Variants in MEP1A observed in about 807,000 individuals in gnomAD.
MEP1A encodes the protein meprin A subunit alpha, also known as N-benzoyl-L-tyrosyl-P-amino-benzoic acid hydrolase subunit alpha.
MEP1A carries 68 observed loss-of-function variants against 84.5 expected under a neutral mutation model. That is an observed-to-expected ratio of 0.80 (90% CI 0.66 to 0.98). MEP1A has a LOEUF of 0.98. Ranked by LOEUF, MEP1A falls within the 50% of genes least tolerant of loss-of-function variation. MEP1A has a pLI of 0.00. For synonymous variants in MEP1A, 337 were observed against 336.8 expected (o/e 1.00, Z -0.01); for missense variants, 887 against 919.9 (o/e 0.96, Z 0.46).
rs529140631 is a variant in MEP1A at position 46,825,858 on chromosome 6, A to G, written c.778+365A>G. On this transcript the variant is annotated intron_variant, in intron 8 of 13. Transcript: ENST00000230588. ...TTCTTTTGCTTCTTTTGGAGGGTGC[A>G]TTATTACGTAAAGGTCAAAATAGGT... is the stretch of plus-strand genomic sequence containing the variant. 3.1e-4 allele frequency among the ~76,000 whole-genome samples: 47 copies of G among 152,288 alleles called. 1 individual carries two copies. The South Asian group carries it at 4.4e-3, about 14-fold the overall frequency.
chr6:46,801,560 C>A (rs1479245189), intron 5 of MEP1A, among the ~76,000 whole-genome samples: 4 of 151,942 alleles, frequency 2.6e-5, no homozygotes, highest in Non-Finnish European at 4.4e-5. Context: ...TAGTCTGTTA[C>A]TTACCTATTT....
chr6:46,798,465 T>C, intron 3 of MEP1A, 141 bp from the exon 4 acceptor site: 1 of 690,432 alleles, frequency 1.4e-6, no homozygotes, highest in Non-Finnish European at 2.5e-6. Flanking sequence ...AACTGGAATT[T>C]TTGCATTGTT....
chr6:46,812,407 T>G lies in MEP1A; in HGVS notation c.380+2870T>G, dbSNP rs574927129. 5.9e-5 allele frequency among the ~76,000 whole-genome samples: 9 copies of G among 152,136 alleles called. No homozygotes were observed. The South Asian group carries it at 1.9e-3, about 32-fold the overall frequency. On this transcript the variant is annotated intron_variant, in intron 6 of 13. Coordinates refer to ENST00000230588, the MANE Select transcript of MEP1A (RefSeq NM_005588.3). ...CTAATAATCTATCAATTTTATTTAT[T>G]TTTTCAAAGAACCAGATTTTTGTTT...
chr6:46,843,913 ATTC>A (rs1030873957), downstream of MEP1A, among the ~76,000 whole-genome samples: 7 of 152,220 alleles, frequency 4.6e-5, no homozygotes, highest in African/African-American at 1.7e-4. Flanking sequence ...AGAATCTATT[ATTC>A]TTGTTTGACT....
chr6:46,798,492 C>A, intron 3 of MEP1A, 114 bp from the exon 4 acceptor site: 1 of 905,452 alleles, frequency 1.1e-6, no homozygotes, highest in Middle Eastern at 3.3e-4. Flanking sequence ...AGTTTTGCCA[C>A]ATAAAGATTA....
Position 46,825,482 on chromosome 6 carries a change from T to A in MEP1A, c.767T>A (p.Met256Lys), listed in dbSNP as rs1278676166. ...SAIDLERLNR[M>K]YNCTTTHTLL... Reference sequence around the variant, plus strand: ...ATTGATTTAGAGAGGCTGAACCGAATGTACAATTGCAGTGAGTATCTCAGT... The same window carrying A: ...ATTGATTTAGAGAGGCTGAACCGAAAGTACAATTGCAGTGAGTATCTCAGT... The change falls in exon 8 of 14, where the codon ATG (methionine) becomes AAG (lysine). Residue 256 changes from methionine (M) to lysine (K), a missense_variant. Transcript: ENST00000230588. The A allele has an allele frequency of 7.5e-6, 12 of 1,610,096 alleles. No individual in the cohort carries two copies. Among genetic ancestry groups the A allele is most frequent in the Non-Finnish European group, 9.3e-6 (11 of 1,177,196 alleles).
At chr6:46,807,803 G>C (rs1030438097) in intron 5 of MEP1A, among the ~76,000 whole-genome samples, 5 of 147,600 alleles carry the variant, frequency 3.4e-5, no homozygotes, top group East Asian at 2.0e-4. Flanking sequence ...AAGAAAGAAA[G>C]AAAGAAAGAA....
rs769416622 is a variant in MEP1A, at chr6:46,829,414, A to G, written c.987A>G (p.Leu329=). The change falls in exon 10 of 14, where the codon CTA becomes CTG. Residue 329 remains leucine, a synonymous_variant. Transcript: ENST00000230588. Reference sequence around the variant, plus strand: ...CGGGGTCCGCGGAAGAGGCAGCCCTACTGGAGTCTCGGATTCTTTACCCAA... The same window carrying G: ...CGGGGTCCGCGGAAGAGGCAGCCCTGCTGGAGTCTCGGATTCTTTACCCAA... The part of the protein sequence containing the change: ...TSSGSAEEAA[L]LESRILYPKR... The G allele has an allele frequency of 1.2e-6, 2 of 1,614,112 alleles. No individual in the cohort carries two copies. Among genetic ancestry groups the G allele is most frequent in the Non-Finnish European group, 1.7e-6 (2 of 1,180,032 alleles).
Position 46,833,428 on chromosome 6 carries a change from C to T in MEP1A, c.1499C>T (p.Pro500Leu), listed in dbSNP as rs757195827. The change falls in exon 11 of 14, where the codon CCG (proline) becomes CTG (leucine). Residue 500 changes from proline to leucine, a missense_variant. By Grantham distance (98) the Pro-to-Leu change is moderately conservative (BLOSUM62 -3). Coordinates refer to ENST00000230588, the MANE Select transcript of MEP1A (RefSeq NM_005588.3). ...SGENDAILEW[P>L]VENRQVIITI... is the part of the protein sequence containing the mutation. ...GAGAACGATGCTATCCTGGAGTGGC[C>T]GGTAGAAAACAGACAGGTGATAATT... 37 of 1,613,928 alleles carry T rather than the reference C, an allele frequency of 2.3e-5. No homozygotes were observed. Among genetic ancestry groups the T allele is most frequent in the Non-Finnish European group, 2.5e-5 (30 of 1,180,002 alleles).
chr6:46,809,408 T>A lies in MEP1A; in HGVS notation c.263-12T>A. 6.5e-7 allele frequency: 1 copy of A among 1,535,118 alleles called. No homozygotes were observed. ...AAATAATGCTCATTGATATTTTTAC[T>A]GATTTCTGCAGGGCTGAATGCTAAA... On this transcript the variant is annotated splice_polypyrimidine_tract_variant and intron_variant, in intron 5 of 13. Coordinates refer to ENST00000230588, the MANE Select transcript of MEP1A (RefSeq NM_005588.3).
chr6:46,832,940 T>C (rs760673644), intron 10 of MEP1A, 134 bp from the exon 11 acceptor site: 1 of 552,736 alleles, frequency 1.8e-6, no homozygotes, highest in Non-Finnish European at 3.3e-6. Context: ...TTTATAACAG[T>C]ACCTATTTTA....
At chr6:46,814,736 G>A (rs1171907864) in intron 6 of MEP1A, among the ~76,000 whole-genome samples, 2 of 152,144 alleles carry the variant, frequency 1.3e-5, no homozygotes, top group African/African-American at 4.8e-5. Flanking sequence ...GTCCCACAGG[G>A]TGCTCCCTTG....
intron 3 of MEP1A, among the ~76,000 whole-genome samples, chr6:46,796,676 T>G (rs569457564): frequency 6.6e-6 from 1 of 152,342 alleles, no homozygotes; most frequent in Admixed American, 6.5e-5. Context: ...AATGAATAGA[T>G]TGAGGCTTGC....
At chr6:46,840,805 G>A (rs899284938), downstream of MEP1A, among the ~76,000 whole-genome samples, 5 of 152,152 alleles carry the variant, frequency 3.3e-5, no homozygotes, top group African/African-American at 1.2e-4. Context: ...GACTAGATAG[G>A]AAGCTATCCT....
downstream of MEP1A, among the ~76,000 whole-genome samples, chr6:46,841,566 A>G (rs1581694069): frequency 6.6e-6 from 1 of 152,216 alleles, no homozygotes; most frequent in East Asian, 1.9e-4. Context: ...GCAACATGAA[A>G]AATGTGGGAA....
intron 8 of MEP1A, among the ~76,000 whole-genome samples, 193 bp downstream of exon 8, chr6:46,825,686 C>T (rs2150753043): frequency 6.6e-6 from 1 of 152,176 alleles, no homozygotes; most frequent in East Asian, 1.9e-4. Flanking sequence ...TGTTTTTGCG[C>T]TTCAATGGCA....
At chr6:46,799,844 T>G (rs1459533282) in intron 5 of MEP1A, among the ~76,000 whole-genome samples, 2 of 152,196 alleles carry the variant, frequency 1.3e-5, no homozygotes, top group Non-Finnish European at 2.9e-5. Context: ...GACTGACAGC[T>G]GAGCAGCCAT....
chr6:46,804,816 T>C (rs1193331351), intron 5 of MEP1A, among the ~76,000 whole-genome samples: 1 of 151,796 alleles, frequency 6.6e-6, no homozygotes, highest in East Asian at 1.9e-4. Flanking sequence ...AGAGTTCTGT[T>C]ATGGCCCTTC....
At chr6:46,814,789 G>A (rs185657626) in intron 6 of MEP1A, among the ~76,000 whole-genome samples, 125 of 152,282 alleles carry the variant, frequency 8.2e-4, no homozygotes, top group Non-Finnish European at 1.5e-3. Flanking sequence ...GGCTTCTTGA[G>A]AGCTGAACTG....
Sources: allele counts gnomAD v4.1 joint callset (sites outside exome capture counted in the v4.1 genomes callset), GRCh38; gene constraint gnomAD v4.1.1; transcripts MANE v1.5; gene names NCBI Gene and HGNC (gene_info 2026-07-23, HGNC 2026-07-21).